Variants in ABTB2 observed in about 807,000 individuals in gnomAD.
The protein encoded by ABTB2 is ankyrin repeat and BTB domain containing 2, also known as ankyrin repeat and BTB/POZ domain-containing protein 2.
ABTB2 carries 56 observed loss-of-function variants against 104.1 expected under a neutral mutation model. That is an observed-to-expected ratio of 0.54 (90% confidence interval 0.43 to 0.67). ABTB2 has a LOEUF of 0.67. Ranked by LOEUF, ABTB2 falls within the 30% of genes least tolerant of loss-of-function variation. The pLI is 0.00. For missense variants in ABTB2, 1,279 were observed against 1,407.7 expected, an observed-to-expected ratio of 0.91 and a Z score of 1.46; for synonymous variants, 606 against 608.2, an observed-to-expected ratio of 1.00 and a Z score of 0.05.
chr11:34,186,826 T>C lies in ABTB2; in HGVS notation c.1244+10499A>G, dbSNP rs940185842. On this transcript the variant is annotated intron_variant, in intron 3 of 16. Coordinates refer to ENST00000435224, the MANE Select transcript of ABTB2 (RefSeq NM_145804.3). Reference sequence around the variant, plus strand: ...AGGCTGGCCTCCCAGAGCCAGCCAATGCAAGCCTGCTGAGAAAGAGGCCCC... The same window carrying C: ...AGGCTGGCCTCCCAGAGCCAGCCAACGCAAGCCTGCTGAGAAAGAGGCCCC... Among the ~76,000 whole-genome samples, 10 of 152,158 alleles carry C rather than the reference T, an allele frequency of 6.6e-5. 1 individual carries two copies. The highest frequency in any genetic ancestry group is 7.4e-5 in the Non-Finnish European group (5 of 68,008).
Position 34,161,099 on chromosome 11 carries a change from G to C in ABTB2, c.2219-18C>G. 1 of 1,592,744 alleles carries C rather than the reference G, an allele frequency of 6.3e-7. No homozygotes were observed. Among genetic ancestry groups the C allele is most frequent in the Non-Finnish European group, 8.6e-7 (1 of 1,168,496 alleles). Reference sequence around the variant, plus strand: ...GGGGACTCCTGGTCCAGGCAGGGAAGGGCAGGCAGTCACGCACCACAGCTG... The same window carrying C: ...GGGGACTCCTGGTCCAGGCAGGGAACGGCAGGCAGTCACGCACCACAGCTG... On this transcript the variant is annotated intron_variant, in intron 10 of 16. Coordinates refer to ENST00000435224, the MANE Select transcript of ABTB2 (RefSeq NM_145804.3).
At chr11:34,255,325 G>T (rs1198417832) in intron 1 of ABTB2, among the ~76,000 whole-genome samples, 1 of 152,020 alleles carries the variant, frequency 6.6e-6, no homozygotes. Flanking sequence ...CTCAACTCTG[G>T]GAAGTAAAAG....
At chr11:34,162,017 G>C (rs780565682) in intron 10 of ABTB2, among the ~76,000 whole-genome samples, 2 of 152,174 alleles carry the variant, frequency 1.3e-5, no homozygotes, top group Non-Finnish European at 2.9e-5. Context: ...TGTACTTCAG[G>C]TGATGTCACC....
At chr11:34,192,566 C>T (rs1036084313) in intron 3 of ABTB2, among the ~76,000 whole-genome samples, 1 of 152,220 alleles carries the variant, frequency 6.6e-6, no homozygotes. Context: ...TACCAGCAGG[C>T]TCCAAGCCTT....
chr11:34,172,371 C>CAAAAA lies in ABTB2; in HGVS notation c.1397+779_1397+783dup, dbSNP rs1230787869. On this transcript the variant is annotated intron_variant, in intron 4 of 16. Coordinates refer to ENST00000435224, the MANE Select transcript of ABTB2 (RefSeq NM_145804.3). ...TGGGCAACAGAGTGAAACTCTGTCTCAAAAAAAAAAAAAAAAAAAAAAAAA... is the reference window on the plus strand; with the variant it reads ...TGGGCAACAGAGTGAAACTCTGTCTCAAAAAAAAAAAAAAAAAAAAAAAAAAAAAA... Among the ~76,000 whole-genome samples the CAAAAA allele has an allele frequency of 6.2e-4, 38 of 61,682 alleles. 3 individuals are homozygous for CAAAAA. Among genetic ancestry groups the CAAAAA allele is most frequent in the Admixed American group, 6.1e-3 (26 of 4,292 alleles). 40.5% of individuals were successfully genotyped at this position (61,682 alleles called of 152,430 possible).
Position 34,248,894 on chromosome 11 carries a change from G to A in ABTB2, c.884-44204C>T, listed in dbSNP as rs992498843. On this transcript the variant is annotated intron_variant, in intron 1 of 16. Coordinates refer to ENST00000435224, the MANE Select transcript of ABTB2 (RefSeq NM_145804.3). ...GCCTGTAATCCCAGCACTTTGGGAG[G>A]CCAAGGCGGGCCGATCACCTGAGGT... is the stretch of plus-strand genomic sequence containing the variant. 2.6e-5 allele frequency among the ~76,000 whole-genome samples: 4 copies of A among 152,246 alleles called. No individual in the cohort carries two copies. The East Asian group carries it at 7.7e-4, about 29-fold the overall frequency.
chr11:34,244,613 C>T (rs1237380316), intron 1 of ABTB2, among the ~76,000 whole-genome samples: 1 of 152,138 alleles, frequency 6.6e-6, no homozygotes, highest in Non-Finnish European at 1.5e-5. Context: ...GAGTTGTTGG[C>T]CTGGATTGTT....
intron 4 of ABTB2, among the ~76,000 whole-genome samples, chr11:34,172,418 A>ATATATATATGTGTG (rs55819950): frequency 3.6e-5 from 3 of 84,230 alleles, no homozygotes; most frequent in African/African-American, 1.4e-4. Context: ...ATATATATAT[A>ATATATATATGTGTG]TGTGTGTGTG....
intron 4 of ABTB2, 44 bp downstream of exon 4, chr11:34,173,111 G>A (rs752411997): frequency 1.2e-6 from 2 of 1,611,392 alleles, no homozygotes; most frequent in African/African-American, 1.3e-5. Flanking sequence ...GCCGCTGGGG[G>A]CAGGTCATGG....
At chr11:34,158,274 G>A (rs1279825472) in intron 14 of ABTB2, among the ~76,000 whole-genome samples, 1 of 152,188 alleles carries the variant, frequency 6.6e-6, no homozygotes, top group Non-Finnish European at 1.5e-5. Context: ...TTAGCTGGGT[G>A]TGGTGGCGGG....
chr11:34,181,755 C>T (rs1406104939), intron 3 of ABTB2, among the ~76,000 whole-genome samples: 1 of 152,192 alleles, frequency 6.6e-6, no homozygotes, highest in Non-Finnish European at 1.5e-5. Flanking sequence ...CTCCCCATCA[C>T]CCGCTAAGCT....
chr11:34,174,355 G>C (rs1371825725), intron 3 of ABTB2, among the ~76,000 whole-genome samples: 2 of 140,300 alleles, frequency 1.4e-5, no homozygotes, highest in African/African-American at 5.3e-5. Flanking sequence ...AAAAAAGAAA[G>C]AAAAAGAGTA....
At chr11:34,332,409 C>G (rs550603218) in intron 1 of ABTB2, among the ~76,000 whole-genome samples, 2 of 152,332 alleles carry the variant, frequency 1.3e-5, no homozygotes, top group Middle Eastern at 3.4e-3. Context: ...GAATCCTACA[C>G]GCAAAATTAT....
rs371506117 is a variant in ABTB2 at position 34,327,710 on chromosome 11, C to T, written c.883+28991G>A. ...TGTTAAGGATTTAAAATAAAATTCC[C>T]GTATTTCCACTCTTCCCCCTCTCCC... On this transcript the variant is annotated intron_variant, in intron 1 of 16. Transcript: ENST00000435224. Among the ~76,000 whole-genome samples, 267 of 152,156 alleles carry T rather than the reference C, an allele frequency of 1.8e-3. 1 individual carries two copies. Among genetic ancestry groups the T allele is most frequent in the African/African-American group, 6.1e-3 (255 of 41,520 alleles).
At chr11:34,152,712 C>T (rs999087686) in intron 16 of ABTB2, 128 bp from the exon 17 acceptor site, 1 of 846,454 alleles carries the variant, frequency 1.2e-6, no homozygotes, top group Non-Finnish European at 1.8e-6. Flanking sequence ...GGTAGGCGTT[C>T]CCTGTCCCTG....
At chr11:34,286,544 T>C (rs1854508363) in intron 1 of ABTB2, among the ~76,000 whole-genome samples, 1 of 151,794 alleles carries the variant, frequency 6.6e-6, no homozygotes. Flanking sequence ...CCACCTGCCT[T>C]GGCCTCCCAA....
At position 34,337,197 on chromosome 11, in the gene ABTB2, C is replaced by T. The variant is rs138923027; in HGVS notation, c.883+19504G>A. Among the ~76,000 whole-genome samples the T allele has an allele frequency of 7.9e-5, 12 of 152,338 alleles. No homozygotes were observed. In the East Asian group the frequency reaches 2.3e-3, roughly 29 times the overall value. ...GTGGAAACTGCAGCACTTCCGGAAC[C>T]TGGCTTATTTGTTGAGGAAGGCCCC... is the stretch of plus-strand genomic sequence containing the variant. On this transcript the variant is annotated intron_variant, in intron 1 of 16. Coordinates refer to ENST00000435224, the MANE Select transcript of ABTB2 (RefSeq NM_145804.3).
At position 34,154,821 on chromosome 11, in the gene ABTB2, G is replaced by A. The variant is rs1852599153; in HGVS notation, c.2698-52C>T. On this transcript the variant is annotated intron_variant, in intron 14 of 16. Coordinates refer to ENST00000435224, the MANE Select transcript of ABTB2 (RefSeq NM_145804.3). This position sits in a 1 kb window ranked among gnomAD's most constrained non-coding sequence, Gnocchi z 4.9. Reference sequence around the variant, plus strand: ...TGCCACGTGAACCTGAGGCATGAAAGTCCTTGCCAGCCCCACAGGGTACTG... The same window carrying A: ...TGCCACGTGAACCTGAGGCATGAAAATCCTTGCCAGCCCCACAGGGTACTG... The A allele has an allele frequency of 5.0e-6, 8 of 1,590,598 alleles. No individual in the cohort carries two copies. Among genetic ancestry groups the A allele is most frequent in the South Asian group, 1.1e-5 (1 of 90,082 alleles).
intron 1 of ABTB2, among the ~76,000 whole-genome samples, chr11:34,351,254 CTCTTCTGAGCA>C (rs1855394977): frequency 2.7e-5 from 3 of 111,064 alleles, no homozygotes; most frequent in African/African-American, 1.7e-4. Context: ...CAGATGTAAA[CTCTTCTGAGCA>C]ATAGTCATCA....
Sources: allele counts gnomAD v4.1 joint callset (sites outside exome capture counted in the v4.1 genomes callset), GRCh38; gene constraint gnomAD v4.1.1; non-coding constraint Gnocchi (gnomAD v3.1); transcripts MANE v1.5; gene names NCBI Gene and HGNC (gene_info 2026-07-23, HGNC 2026-07-21).